The following NKPD1 variants were observed in gnomAD, a reference collection of about 807,000 sequenced individuals.
NKPD1 encodes the protein NTPase KAP family P-loop domain containing 1.
A neutral mutation model predicts 42.2 loss-of-function variants in NKPD1; 37 were observed. That is an observed-to-expected ratio of 0.88 (90% CI 0.67 to 1.15). The LOEUF (loss-of-function observed/expected upper bound fraction) is 1.15, where lower values mean the gene tolerates loss of function less well. Among genes scored for constraint, NKPD1 ranks in the 50% most tolerant of loss-of-function variants. NKPD1 has a pLI of 0.00. For missense variants in NKPD1, 1,113 were observed against 1,174.6 expected (o/e 0.95, Z 0.77); for synonymous variants, 552 against 536.5 (o/e 1.03, Z -0.40).
rs1284214301 is a variant in NKPD1 at position 45,151,605 on chromosome 19, C to G, written c.*333G>C. The stretch of plus-strand genomic sequence containing the variant: ...GGTGCAGAGGAGTAAGTGGGCTTAG[C>G]AGGATGGGGCAGGCCCTGTGGCAGG... On this transcript the variant is annotated 3_prime_UTR_variant, in exon 5 of 5. Coordinates refer to ENST00000686631, the MANE Select transcript of NKPD1 (RefSeq NM_198478.4). 1 of 274,928 alleles carries G rather than the reference C, an allele frequency of 3.6e-6. No individual in the cohort carries two copies. Among genetic ancestry groups the G allele is most frequent in the Non-Finnish European group, 6.8e-6 (1 of 147,562 alleles). 17.0% of individuals were successfully genotyped at this position (274,928 alleles called of 1,614,324 possible).
rs1311127239 is a variant in NKPD1 at position 45,158,636 on chromosome 19, G to C, written c.529+27C>G. On this transcript the variant is annotated intron_variant, in intron 3 of 4. Transcript: ENST00000686631. This position sits in a 1 kb window ranked among gnomAD's most constrained non-coding sequence, Gnocchi z 4.6. ...AGTGAGGCGGCAGGAGTGGGGACAG[G>C]GCCCCCAAGAAGGCCAGGGTGAGCA... 2.6e-6 allele frequency: 3 copies of C among 1,157,452 alleles called. No individual in the cohort carries two copies. The African/African-American group carries it at 5.0e-5, about 19-fold the overall frequency. 71.7% of individuals were successfully genotyped at this position (1,157,452 alleles called of 1,614,324 possible). A position where few individuals can be genotyped will look rare whatever the true frequency, so the allele number is the denominator to read the frequency against.
Position 45,160,155 on chromosome 19 carries a change from G to C in NKPD1, c.-5C>G. 7.7e-7 allele frequency: 1 copy of C among 1,303,740 alleles called. No individual in the cohort carries two copies. Among genetic ancestry groups the C allele is most frequent in the South Asian group, 1.2e-5 (1 of 80,838 alleles). The allele number at this position is 1,303,740 out of a possible 1,614,324, so 80.8% of individuals were successfully genotyped here. ...GACTTTGTAATGTTTGTGCATGGCA[G>C]CCGGGCAGCTGGGTGCTGGGGGCCT... is the stretch of plus-strand genomic sequence containing the variant. On this transcript the variant is annotated 5_prime_UTR_variant, in exon 2 of 5. Transcript: ENST00000686631.
rs755111807 is a variant in NKPD1 at position 45,152,064 on chromosome 19, C to A, written c.2373G>T (p.Pro791=). ...CGGCTTGCCCTGAGGCACGGCCCGA[C>A]GGGGGCGCCCTGGAGGCGCTGTTGG... ...HRANSASRAP[P]SGRASGQAGE... is the part of the protein sequence containing the mutation. Residue 791 remains proline, a synonymous_variant, in exon 5 of 5, where the codon CCG becomes CCT. Coordinates refer to ENST00000686631, the MANE Select transcript of NKPD1 (RefSeq NM_198478.4). The A allele has an allele frequency of 2.5e-6, 4 of 1,607,978 alleles. No homozygotes were observed. Among genetic ancestry groups the A allele is most frequent in the East Asian group, 4.5e-5 (2 of 44,782 alleles).
Position 45,151,776 on chromosome 19 carries a change from TC to T in NKPD1, c.*161del, listed in dbSNP as rs1968781751. The T allele has an allele frequency of 1.4e-6, 1 of 707,504 alleles. No individual in the cohort carries two copies. Among genetic ancestry groups the T allele is most frequent in the Non-Finnish European group, 2.2e-6 (1 of 464,558 alleles). 43.8% of individuals were successfully genotyped at this position (707,504 alleles called of 1,614,324 possible). On this transcript the variant is annotated 3_prime_UTR_variant, in exon 5 of 5. Transcript: ENST00000686631. ...TGCTGGCACCGGCTTGTGGCCGCAC[TC>T]CTTGGAAGCTATGTCCACGGCTCTG...
chr19:45,153,360 G>C lies in NKPD1; in HGVS notation c.1077C>G (p.Tyr359Ter). ...CCAGCGCGTGGCCGCCCAGTGACAA[G>C]TAGAGCAGCCCCACACCCAGGCCCA... is the stretch of plus-strand genomic sequence containing the variant. ...AALGLGVGLL[Y>*]LSLGGHALGH... Residue 359 changes from tyrosine to a stop codon, truncating the protein, a stop_gained, in exon 5 of 5, where the codon TAC (tyrosine) becomes TAG (stop). Coordinates refer to ENST00000686631, the MANE Select transcript of NKPD1 (RefSeq NM_198478.4). LOFTEE classifies it high-confidence loss of function. The C allele has an allele frequency of 6.4e-7, 1 of 1,569,000 alleles. No homozygotes were observed. Among genetic ancestry groups the C allele is most frequent in the Non-Finnish European group, 8.6e-7 (1 of 1,159,962 alleles).
rs868370793 is a variant in NKPD1 at position 45,153,530 on chromosome 19, C to A, written c.907G>T (p.Gly303Cys). The A allele has an allele frequency of 6.5e-7, 1 of 1,550,116 alleles. No homozygotes were observed. Among genetic ancestry groups the A allele is most frequent in the East Asian group, 2.4e-5 (1 of 42,168 alleles). ...WAGLVTTLCEGIRRHYGALPF... is the reference protein window; with the variant it reads ...WAGLVTTLCECIRRHYGALPF... Reference sequence around the variant, plus strand: ...AGTGCGCCATAGTGGCGGCGGATGCCCTCGCACAACGTGGTCACCAGGCCG... The same window carrying A: ...AGTGCGCCATAGTGGCGGCGGATGCACTCGCACAACGTGGTCACCAGGCCG... The change falls in exon 5 of 5, where the codon GGC becomes TGC. Residue 303 changes from glycine (G) to cysteine (C), a missense_variant. Gly to Cys is a radical substitution (Grantham distance 159). This residue lies in a region of NKPD1 where 867 missense variants were observed against 870.1 expected (regional missense o/e 1.00). Transcript: ENST00000686631.
Position 45,153,317 on chromosome 19 carries a change from C to G in NKPD1, c.1120G>C (p.Gly374Arg). 5 of 1,573,790 alleles carry G rather than the reference C, an allele frequency of 3.2e-6. No individual in the cohort carries two copies. The highest frequency in any genetic ancestry group is 4.3e-6 in the Non-Finnish European group (5 of 1,161,166). The change falls in exon 5 of 5, where the codon GGC becomes CGC. Residue 374 changes from glycine to arginine, a missense_variant. This residue lies in a region of NKPD1 where 867 missense variants were observed against 870.1 expected (regional missense o/e 1.00). Transcript: ENST00000686631. The stretch of plus-strand genomic sequence containing the variant: ...CCGCCAAACACCTTGAGCAGGCTGC[C>G]GCTCGGGCTGCCGTGGCCCAGCGCG... Reference protein sequence around the residue: ...GHALGHGSPSGSLLKVFGGAA... With the variant: ...GHALGHGSPSRSLLKVFGGAA...
rs946021393 is a variant in NKPD1 at position 45,152,523 on chromosome 19, C to G, written c.1914G>C (p.Gln638His). ...CCCCAAAGTCCCCCTGCTGCTGCTGCTGCTGCAGCAGGCGCACGGTGATGG... is the reference window on the plus strand; with the variant it reads ...CCCCAAAGTCCCCCTGCTGCTGCTGGTGCTGCAGCAGGCGCACGGTGATGG... Reference protein sequence around the residue: ...TVPITVRLLQQQQQQGDFGGP... With the variant: ...TVPITVRLLQHQQQQGDFGGP... The change falls in exon 5 of 5, where the codon CAG (glutamine) becomes CAC (histidine). Residue 638 changes from glutamine (Q) to histidine (H), a missense_variant. Around this residue, in one of 3 missense-constraint regions of NKPD1, gnomAD observed 867 missense variants for 870.1 expected, o/e 1.00. Coordinates refer to ENST00000686631, the MANE Select transcript of NKPD1 (RefSeq NM_198478.4). 33 of 1,574,526 alleles carry G rather than the reference C, an allele frequency of 2.1e-5. No homozygotes were observed. The highest frequency in any genetic ancestry group is 2.8e-5 in the Non-Finnish European group (33 of 1,169,378).
At chr19:45,154,251 T>C (rs934575673) in intron 4 of NKPD1, among the ~76,000 whole-genome samples, 2 of 152,162 alleles carry the variant, frequency 1.3e-5, no homozygotes, top group Non-Finnish European at 2.9e-5. Flanking sequence ...TTGACTTAAC[T>C]GCTCCTCCTG....
intron 4 of NKPD1, among the ~76,000 whole-genome samples, chr19:45,154,761 G>T (rs1419439170): frequency 6.6e-6 from 1 of 152,088 alleles, no homozygotes; most frequent in Non-Finnish European, 1.5e-5. Flanking sequence ...GGTGAGTCAC[G>T]CCTGTAATCT....
At chr19:45,157,197 G>A (rs903230134) in intron 3 of NKPD1, among the ~76,000 whole-genome samples, 3 of 152,192 alleles carry the variant, frequency 2.0e-5, no homozygotes, top group Non-Finnish European at 4.4e-5. Context: ...CCATTCTCCT[G>A]GAGATCCTGT....
chr19:45,152,510 C>CCTGCTGCTGCTG lies in NKPD1; in HGVS notation c.1915_1926dup (p.Gln639_Gln642dup). 6.4e-7 allele frequency: 1 copy of CCTGCTGCTGCTG among 1,568,274 alleles called. No homozygotes were observed. The highest frequency in any genetic ancestry group is 8.6e-7 in the Non-Finnish European group (1 of 1,166,300). ...CGCGGCGTGGGGCCCCCAAAGTCCC[C>CCTGCTGCTGCTG]CTGCTGCTGCTGCTGCTGCAGCAGG... On this transcript the variant is annotated inframe_insertion, in exon 5 of 5. Transcript: ENST00000686631.
chr19:45,151,729 G>A lies in NKPD1; in HGVS notation c.*209C>T. The A allele has an allele frequency of 2.0e-6, 1 of 510,766 alleles. No homozygotes were observed. Among genetic ancestry groups the A allele is most frequent in the Non-Finnish European group, 3.4e-6 (1 of 295,182 alleles). The allele number at this position is 510,766 out of a possible 1,614,324, so 31.6% of individuals were successfully genotyped here. A position where few individuals can be genotyped will look rare whatever the true frequency, so the allele number is the denominator to read the frequency against. ...GCATGTATACCCTGACTTCCTCACTGGTCCTTCTGTGCCTGCTCTCATGCT... is the reference window on the plus strand; with the variant it reads ...GCATGTATACCCTGACTTCCTCACTAGTCCTTCTGTGCCTGCTCTCATGCT... On this transcript the variant is annotated 3_prime_UTR_variant, in exon 5 of 5. Transcript: ENST00000686631.
At position 45,152,627 on chromosome 19, in the gene NKPD1, G is replaced by A; in HGVS notation, c.1810C>T (p.Leu604Phe). The A allele has an allele frequency of 6.4e-7, 1 of 1,571,886 alleles. No homozygotes were observed. The highest frequency in any genetic ancestry group is 8.6e-7 in the Non-Finnish European group (1 of 1,169,110). Residue 604 changes from leucine (L) to phenylalanine (F), a missense_variant, in exon 5 of 5, where the codon CTT becomes TTT. Transcript: ENST00000686631. ...TAGAGGCAGTCGCGCTCGTCGTGAA[G>A]GCAGAAGAGCGCCTCCTGGATTCGC... ...ARRIQEALFC[L>F]HDERDCLYEY...
At position 45,153,790 on chromosome 19, in the gene NKPD1, CCCGGGAGCCGCGTGAGCCGCAGACCCG is replaced by C; in HGVS notation, c.662-42_662-16del. 2 of 1,435,130 alleles carry C rather than the reference CCCGGGAGCCGCGTGAGCCGCAGACCCG, an allele frequency of 1.4e-6. No individual in the cohort carries two copies. Among genetic ancestry groups the C allele is most frequent in the Non-Finnish European group, 1.8e-6 (2 of 1,094,902 alleles). The allele number at this position is 1,435,130 out of a possible 1,614,324, so 88.9% of individuals were successfully genotyped here. A position where few individuals can be genotyped will look rare whatever the true frequency, so the allele number is the denominator to read the frequency against. Reference sequence around the variant, plus strand: ...CTGCATCAGCGCTGCGGGAAGGGAGCCCGGGAGCCGCGTGAGCCGCAGACCCGCCGGGGTGGGCGGGGCCTAGTACGG... The same window carrying C: ...CTGCATCAGCGCTGCGGGAAGGGAGCCCGGGGTGGGCGGGGCCTAGTACGG... On this transcript the variant is annotated splice_polypyrimidine_tract_variant and intron_variant, in intron 4 of 4. Transcript: ENST00000686631.
At chr19:45,161,225 TGG>T (rs922074966), upstream of NKPD1, among the ~76,000 whole-genome samples, 1 of 152,082 alleles carries the variant, frequency 6.6e-6, no homozygotes, top group African/African-American at 2.4e-5. Context: ...TCTGCTGGTG[TGG>T]GGGGGACAGG....
At position 45,152,244 on chromosome 19, in the gene NKPD1, G is replaced by C; in HGVS notation, c.2193C>G (p.Phe731Leu). The change falls in exon 5 of 5, where the codon TTC becomes TTG. Residue 731 changes from phenylalanine (F) to leucine (L), a missense_variant. By Grantham distance (22) the Phe-to-Leu change is conservative (BLOSUM62 0). This residue lies in a region of NKPD1 where 867 missense variants were observed against 870.1 expected (regional missense o/e 1.00). Coordinates refer to ENST00000686631, the MANE Select transcript of NKPD1 (RefSeq NM_198478.4). Reference sequence around the variant, plus strand: ...GCAGGCTCTGCGCCTCGGCCACGGTGAAGGGGAAGTCGGCGCCCAGGAAGC... The same window carrying C: ...GCAGGCTCTGCGCCTCGGCCACGGTCAAGGGGAAGTCGGCGCCCAGGAAGC... Reference protein sequence around the residue: ...FERFLGADFPFTVAEAQSLLR... With the variant: ...FERFLGADFPLTVAEAQSLLR... The C allele has an allele frequency of 6.2e-7, 1 of 1,607,844 alleles. No homozygotes were observed. The highest frequency in any genetic ancestry group is 2.2e-5 in the East Asian group (1 of 44,576).
In NKPD1 at chr19:45,152,562, G is replaced by A. The variant is rs779449449; in HGVS notation, c.1875C>T (p.Ile625=). The A allele has an allele frequency of 1.9e-6, 3 of 1,586,540 alleles. No homozygotes were observed. Among genetic ancestry groups the A allele is most frequent in the Admixed American group, 3.4e-5 (2 of 58,976 alleles). The change falls in exon 5 of 5, where the codon ATC becomes ATT. Residue 625 remains isoleucine, a synonymous_variant. Coordinates refer to ENST00000686631, the MANE Select transcript of NKPD1 (RefSeq NM_198478.4). ...GCACGGTGATGGGCACGGTGTTGAC[G>A]ATGCGCCGCATGGACACCACGTTGT... ...VPDNVVSMRR[I]VNTVPITVRL...
Position 45,153,752 on chromosome 19 carries a change from G to T in NKPD1, c.685C>A (p.Gln229Lys). ...TGCTGCAGCTCCTCGCTCTCGCGCTGCGCGGCCTCCTGCTGCATCAGCGCT... is the reference window on the plus strand; with the variant it reads ...TGCTGCAGCTCCTCGCTCTCGCGCTTCGCGGCCTCCTGCTGCATCAGCGCT... ...ITALMQQEAA[Q>K]RESEELQHVQ... The change falls in exon 5 of 5, where the codon CAG becomes AAG. Residue 229 changes from glutamine to lysine, a missense_variant. By Grantham distance (53) the Gln-to-Lys change is moderately conservative (BLOSUM62 1). This residue lies in a region of NKPD1 where 867 missense variants were observed against 870.1 expected (regional missense o/e 1.00). Coordinates refer to ENST00000686631, the MANE Select transcript of NKPD1 (RefSeq NM_198478.4). 6.7e-7 allele frequency: 1 copy of T among 1,501,160 alleles called. No individual in the cohort carries two copies. 93.0% of individuals were successfully genotyped at this position (1,501,160 alleles called of 1,614,324 possible).
Sources: gnomAD v4.1 joint callset for allele counts (sites outside exome capture counted in the v4.1 genomes callset) on GRCh38, gnomAD v4.1.1 for gene constraint, gnomAD v4.1.1 regional missense constraint, Gnocchi (gnomAD v3.1) non-coding constraint, MANE v1.5 for transcripts, NCBI Gene and HGNC (gene_info 2026-07-23, HGNC 2026-07-21) for gene names.